Variants in PRKAG2 observed in about 807,000 individuals in gnomAD.
The protein encoded by PRKAG2 is protein kinase AMP-activated non-catalytic subunit gamma 2.
A neutral mutation model predicts 69.6 loss-of-function variants in PRKAG2; 26 were observed. The observed-to-expected ratio is 0.37, with a 90% CI of 0.27 to 0.52. The LOEUF is 0.52. PRKAG2 is among the 20% of genes least tolerant of loss of function. PRKAG2 has a pLI of 0.90. For synonymous variants in PRKAG2, 293 were observed against 285.0 expected (o/e 1.03, Z -0.28); for missense variants, 557 against 740.0 (o/e 0.75, Z 2.87).
chr7:151,697,861 G>A (rs1836960162), intron 3 of PRKAG2, among the ~76,000 whole-genome samples: 1 of 152,210 alleles, frequency 6.6e-6, no homozygotes, highest in African/African-American at 2.4e-5. Context: ...AGAAGGACGG[G>A]TGTAACGGGT....
intron 3 of PRKAG2, among the ~76,000 whole-genome samples, chr7:151,751,164 C>T (rs531072760): frequency 1.2e-3 from 169 of 144,716 alleles, no homozygotes; most frequent in African/African-American, 4.1e-3. Flanking sequence ...GTGGTGTGAT[C>T]TCAGCTCACT....
At chr7:151,690,562 G>A (rs963268520) in intron 3 of PRKAG2, among the ~76,000 whole-genome samples, 2 of 152,236 alleles carry the variant, frequency 1.3e-5, no homozygotes, top group Non-Finnish European at 2.9e-5. Flanking sequence ...GGGAAGGACA[G>A]GACCAGGGTT....
chr7:151,723,660 G>A (rs909145605), intron 3 of PRKAG2, among the ~76,000 whole-genome samples: 3 of 152,172 alleles, frequency 2.0e-5, no homozygotes, highest in Non-Finnish European at 2.9e-5. Flanking sequence ...CCTGGTCAGT[G>A]GCAGTAGGTC....
At position 151,836,661 on chromosome 7, in the gene PRKAG2, A is replaced by T. The variant is rs1263572935; in HGVS notation, c.114+39846T>A. On this transcript the variant is annotated intron_variant, in intron 1 of 15. Coordinates refer to ENST00000287878, the MANE Select transcript of PRKAG2 (RefSeq NM_016203.4). This position sits in a 1 kb window ranked among gnomAD's most constrained non-coding sequence, Gnocchi z 4.1. Reference sequence around the variant, plus strand: ...TGGCCTCCTGTCTGGGTGCAGCCTTAGCGGGGCACAGGAGGGCGTGTATGC... The same window carrying T: ...TGGCCTCCTGTCTGGGTGCAGCCTTTGCGGGGCACAGGAGGGCGTGTATGC... Among the ~76,000 whole-genome samples the T allele has an allele frequency of 6.6e-6, 1 of 152,094 alleles. No homozygotes were observed. The highest frequency in any genetic ancestry group is 1.5e-5 in the Non-Finnish European group (1 of 68,018).
rs1001361398 is a variant in PRKAG2 at position 151,852,879 on chromosome 7, A to G, written c.114+23628T>C. Among the ~76,000 whole-genome samples the G allele has an allele frequency of 3.9e-4, 60 of 152,308 alleles. 1 individual carries two copies. Among genetic ancestry groups the G allele is most frequent in the Middle Eastern group, 3.4e-3 (1 of 294 alleles). On this transcript the variant is annotated intron_variant, in intron 1 of 15. Coordinates refer to ENST00000287878, the MANE Select transcript of PRKAG2 (RefSeq NM_016203.4). Reference sequence around the variant, plus strand: ...TATCTCACAGCCTGCACGGCCCCATAAGGGGTCAGGAGGGAAGAATACCTG... The same window carrying G: ...TATCTCACAGCCTGCACGGCCCCATGAGGGGTCAGGAGGGAAGAATACCTG...
At chr7:151,786,189 G>A (rs573341923) in intron 2 of PRKAG2, among the ~76,000 whole-genome samples, 2 of 152,218 alleles carry the variant, frequency 1.3e-5, no homozygotes, top group South Asian at 4.1e-4. Context: ...CACTGCCTCT[G>A]CCCATGTTAG....
intron 3 of PRKAG2, among the ~76,000 whole-genome samples, chr7:151,697,752 G>A (rs1157172639): frequency 2.6e-5 from 4 of 152,070 alleles, no homozygotes; most frequent in Admixed American, 6.5e-5. Flanking sequence ...CAGGTGCCGG[G>A]AGCAGACATC....
At chr7:151,770,335 C>A (rs527924215) in intron 3 of PRKAG2, among the ~76,000 whole-genome samples, 17 of 152,328 alleles carry the variant, frequency 1.1e-4, no homozygotes, top group African/African-American at 4.1e-4. Context: ...TAAGTCTCCA[C>A]CCCAGCGTGA....
intron 14 of PRKAG2, among the ~76,000 whole-genome samples, chr7:151,561,210 T>C (rs1451501191): frequency 1.3e-5 from 2 of 152,230 alleles, no homozygotes; most frequent in African/African-American, 4.8e-5. Flanking sequence ...AGCTATGCCC[T>C]GCTGAGTTTT....
chr7:151,816,394 G>T (rs1487127880), intron 1 of PRKAG2, among the ~76,000 whole-genome samples: 1 of 152,020 alleles, frequency 6.6e-6, no homozygotes, highest in Admixed American at 6.5e-5. Flanking sequence ...GTCCCTTTCA[G>T]ACCAGAGCAT....
In PRKAG2 at chr7:151,556,237, C is replaced by T. The variant is rs75512992; in HGVS notation, c.*964G>A. ...ATACAGTGTCAACATTTTCAGAGCA[C>T]TTACATTAGGAAACATTGTTTCTCT... On this transcript the variant is annotated 3_prime_UTR_variant, in exon 16 of 16. Transcript: ENST00000287878. The T allele has an allele frequency of 1.7e-3, 263 of 151,642 alleles. 1 individual carries two copies. Among genetic ancestry groups the T allele is most frequent in the African/African-American group, 6.1e-3 (252 of 41,242 alleles). 9.4% of individuals were successfully genotyped at this position (151,642 alleles called of 1,614,324 possible). A position where few individuals can be genotyped will look rare whatever the true frequency, so the allele number is the denominator to read the frequency against.
chr7:151,804,736 T>C (rs1382385556), intron 1 of PRKAG2, among the ~76,000 whole-genome samples: 6 of 152,158 alleles, frequency 3.9e-5, no homozygotes, highest in Admixed American at 2.6e-4. Flanking sequence ...TATTCCGTGG[T>C]GTTCCATCGC....
chr7:151,732,820 G>A (rs1022241567), intron 3 of PRKAG2, among the ~76,000 whole-genome samples: 1 of 152,090 alleles, frequency 6.6e-6, no homozygotes, highest in African/African-American at 2.4e-5. Flanking sequence ...AGCCTCCCGA[G>A]CAGCTGGGAT....
At chr7:151,618,003 A>G (rs916773014) in intron 5 of PRKAG2, among the ~76,000 whole-genome samples, 9 of 152,212 alleles carry the variant, frequency 5.9e-5, no homozygotes, top group Admixed American at 1.3e-4. Context: ...GTGACAGTCA[A>G]AAGTATATGG....
chr7:151,622,724 C>G (rs974853995), intron 5 of PRKAG2, among the ~76,000 whole-genome samples: 3 of 152,170 alleles, frequency 2.0e-5, no homozygotes, highest in African/African-American at 7.2e-5. Flanking sequence ...GCACAAACAT[C>G]CAATCGCAAA....
At chr7:151,795,890 T>TATATATATATATATAAAA (rs1491286413) in intron 1 of PRKAG2, among the ~76,000 whole-genome samples, 3 of 96,588 alleles carry the variant, frequency 3.1e-5, no homozygotes, top group African/African-American at 1.3e-4. Context: ...TATATATATA[T>TATATATATATATATAAAA]CACGATAATA....
chr7:151,603,774 C>T (rs1296560683), intron 5 of PRKAG2, among the ~76,000 whole-genome samples: 2 of 152,332 alleles, frequency 1.3e-5, no homozygotes, highest in East Asian at 3.9e-4. Context: ...TAGAGGTACT[C>T]TTTCCCTCCT....
chr7:151,813,375 C>T (rs1402818851), intron 1 of PRKAG2, among the ~76,000 whole-genome samples: 1 of 152,044 alleles, frequency 6.6e-6, no homozygotes, highest in Non-Finnish European at 1.5e-5. Flanking sequence ...TCAAGCCTCC[C>T]CCCAGGAGGG....
At chr7:151,660,349 G>C (rs988363940) in intron 4 of PRKAG2, among the ~76,000 whole-genome samples, 3 of 152,082 alleles carry the variant, frequency 2.0e-5, no homozygotes, top group African/African-American at 7.2e-5. Context: ...AAACGTTTAT[G>C]GTCTCCCTGG....
Sources: allele counts gnomAD v4.1 joint callset (sites outside exome capture counted in the v4.1 genomes callset), GRCh38; gene constraint gnomAD v4.1.1; non-coding constraint Gnocchi (gnomAD v3.1); transcripts MANE v1.5; gene names NCBI Gene and HGNC (gene_info 2026-07-23, HGNC 2026-07-21).